The following BICD1 variants were observed in gnomAD, a reference collection of about 807,000 sequenced individuals.
The protein encoded by BICD1 is BICD cargo adaptor 1, also known as protein bicaudal D homolog 1.
A neutral mutation model predicts 92.5 loss-of-function variants in BICD1; 35 were observed. The ratio of observed to expected loss-of-function variants is 0.38; its 90% CI spans 0.29 to 0.50. The LOEUF is 0.50. BICD1 is among the 20% of genes least tolerant of loss of function. The pLI, the probability that BICD1 is intolerant of heterozygous loss-of-function variation, is 0.93. For synonymous variants in BICD1, 429 were observed against 465.1 expected, an observed-to-expected ratio of 0.92 and a Z score of 1.00; for missense variants, 950 against 1,189.8, an observed-to-expected ratio of 0.80 and a Z score of 2.97.
At chr12:32,171,965 ACACACACACACACAC>A (rs1943955984) in intron 1 of BICD1, among the ~76,000 whole-genome samples, 1 of 149,026 alleles carries the variant, frequency 6.7e-6, no homozygotes, top group Non-Finnish European at 1.5e-5. Context: ...ACACACACAC[ACACACACACACACAC>A]ACACACACAC....
At chr12:32,315,951 C>T (rs1046386118) in intron 4 of BICD1, among the ~76,000 whole-genome samples, 1 of 151,934 alleles carries the variant, frequency 6.6e-6, no homozygotes, top group African/African-American at 2.4e-5. Flanking sequence ...GCCTGACCAA[C>T]AAGGTGAAAC....
At chr12:32,336,386 C>T (rs1258628797) in intron 6 of BICD1, among the ~76,000 whole-genome samples, 3 of 152,198 alleles carry the variant, frequency 2.0e-5, no homozygotes, top group Non-Finnish European at 4.4e-5. Flanking sequence ...AAAGATGTTT[C>T]GGACAGCCTG....
chr12:32,121,317 T>G (rs1942141903), intron 1 of BICD1, among the ~76,000 whole-genome samples: 1 of 151,770 alleles, frequency 6.6e-6, no homozygotes, highest in Non-Finnish European at 1.5e-5. Context: ...CATTAAAAAC[T>G]AATGGTGGCT....
At chr12:32,356,986 G>C (rs1003587350) in intron 8 of BICD1, among the ~76,000 whole-genome samples, 1 of 149,466 alleles carries the variant, frequency 6.7e-6, no homozygotes, top group African/African-American at 2.5e-5. Flanking sequence ...GAAGGAATCT[G>C]CTAAATTCGA....
At chr12:32,132,922 G>A (rs1018369773) in intron 1 of BICD1, among the ~76,000 whole-genome samples, 4 of 152,148 alleles carry the variant, frequency 2.6e-5, no homozygotes, top group African/African-American at 9.7e-5. Flanking sequence ...GAATCTACTT[G>A]AGGGTAAGAA....
chr12:32,121,812 ATTTTTTT>A (rs77883866), intron 1 of BICD1, among the ~76,000 whole-genome samples: 1 of 140,244 alleles, frequency 7.1e-6, no homozygotes, highest in African/African-American at 2.7e-5. Flanking sequence ...AGTTTGTCAA[ATTTTTTT>A]TTTTTTTTTT....
chr12:32,300,666 C>T (rs1948016974), intron 3 of BICD1, among the ~76,000 whole-genome samples: 1 of 99,772 alleles, frequency 1.0e-5, no homozygotes, highest in African/African-American at 3.6e-5. Flanking sequence ...TTTTTGGAGA[C>T]AGAGTCCAGC....
chr12:32,300,383 A>G (rs1948003396), intron 3 of BICD1, among the ~76,000 whole-genome samples: 1 of 151,858 alleles, frequency 6.6e-6, no homozygotes, highest in Admixed American at 6.6e-5. Flanking sequence ...GATTACAGGC[A>G]TGAGCCACCG....
chr12:32,130,336 T>A (rs921964202), intron 1 of BICD1, among the ~76,000 whole-genome samples: 1 of 152,092 alleles, frequency 6.6e-6, no homozygotes, highest in Non-Finnish European at 1.5e-5. Context: ...CCCAAGTAGC[T>A]GGGACTACAG....
At chr12:32,291,415 T>C (rs1288467907) in intron 2 of BICD1, among the ~76,000 whole-genome samples, 1 of 152,046 alleles carries the variant, frequency 6.6e-6, no homozygotes, top group Non-Finnish European at 1.5e-5. Flanking sequence ...TGTGCATCTG[T>C]AGGCCCAGCT....
intron 7 of BICD1, 29 bp from the exon 8 acceptor site, chr12:32,338,757 A>G (rs369948488): frequency 6.5e-7 from 1 of 1,546,086 alleles, no homozygotes; most frequent in African/African-American, 1.4e-5. Flanking sequence ...TTTGTTTCCT[A>G]TATGTATTTT....
chr12:32,348,723 AATATATATATATATAT>A (rs11272207), intron 8 of BICD1, among the ~76,000 whole-genome samples: 1,956 of 117,474 alleles, frequency 0.017, 51 homozygotes, highest in Admixed American at 0.05. Context: ...CTCACACAAA[AATATATATATATATAT>A]ATATATATAT....
intron 8 of BICD1, among the ~76,000 whole-genome samples, chr12:32,348,253 GAA>G (rs1446266310): frequency 2.0e-5 from 3 of 152,076 alleles, no homozygotes; most frequent in Non-Finnish European, 4.4e-5. Flanking sequence ...TTTAATTACT[GAA>G]GAGATCAACA....
chr12:32,273,825 A>G (rs1238919088), intron 2 of BICD1, among the ~76,000 whole-genome samples: 1 of 152,202 alleles, frequency 6.6e-6, no homozygotes, highest in Non-Finnish European at 1.5e-5. Context: ...GAAAAGGAAA[A>G]AGGAAAAAGA....
At chr12:32,190,090 A>G (rs545855870) in intron 1 of BICD1, among the ~76,000 whole-genome samples, 39 of 152,340 alleles carry the variant, frequency 2.6e-4, no homozygotes, top group African/African-American at 8.7e-4. Context: ...AACCCCAAAG[A>G]ACCTACCTTT....
At chr12:32,324,055 G>A (rs1374378195) in intron 4 of BICD1, among the ~76,000 whole-genome samples, 6 of 152,140 alleles carry the variant, frequency 3.9e-5, no homozygotes, top group African/African-American at 9.7e-5. Context: ...TTAGGGCCGG[G>A]CGCGGTGGCT....
intron 8 of BICD1, among the ~76,000 whole-genome samples, chr12:32,347,187 T>C (rs992247651): frequency 2.6e-5 from 4 of 151,436 alleles, no homozygotes; most frequent in African/African-American, 7.3e-5. Context: ...CTGACCTCAG[T>C]TGATCCTCCT....
At chr12:32,312,775 T>C (rs1365647429) in intron 4 of BICD1, among the ~76,000 whole-genome samples, 1 of 152,214 alleles carries the variant, frequency 6.6e-6, no homozygotes, top group Non-Finnish European at 1.5e-5. Flanking sequence ...CTCTATAAAC[T>C]TGACAATAGT....
At chr12:32,183,277 T>A (rs1475812880) in intron 1 of BICD1, among the ~76,000 whole-genome samples, 2 of 150,576 alleles carry the variant, frequency 1.3e-5, no homozygotes, top group Admixed American at 1.3e-4. Context: ...TTTTTTTTTT[T>A]TTTTTAGTTT....
Sources: gnomAD v4.1 joint callset for allele counts (sites outside exome capture counted in the v4.1 genomes callset) on GRCh38, gnomAD v4.1.1 for gene constraint, MANE v1.5 for transcripts, NCBI Gene and HGNC (gene_info 2026-07-23, HGNC 2026-07-21) for gene names.